SKAP1: variants seen among roughly 807,000 people sequenced by gnomAD.
SKAP1 encodes src kinase associated phosphoprotein 1, also known as src kinase-associated phosphoprotein 1.
In SKAP1, 44 loss-of-function variants were observed where a neutral mutation model predicts 58.5. The observed-to-expected ratio is 0.75, with a 90% confidence interval of 0.59 to 0.97. SKAP1 has a LOEUF of 0.97. SKAP1 is among the 50% of genes least tolerant of loss of function. The pLI is 0.00. For synonymous variants in SKAP1, 127 were observed against 149.7 expected (o/e 0.85, Z 1.11); for missense variants, 390 against 435.2 (o/e 0.90, Z 0.92).
chr17:48,333,701 T>C (rs2066533081), intron 4 of SKAP1, among the ~76,000 whole-genome samples: 1 of 152,086 alleles, frequency 6.6e-6, no homozygotes, highest in Admixed American at 6.5e-5. Context: ...TTTAAAATTT[T>C]ATCCATGGAA....
At chr17:48,380,368 C>T (rs1348048792) in intron 2 of SKAP1, 1 of 152,154 alleles carries the variant, frequency 6.6e-6, no homozygotes, top group Non-Finnish European at 1.5e-5. Flanking sequence ...GTTCTTAAGC[C>T]CTGCTGGAAA....
intron 1 of SKAP1, among the ~76,000 whole-genome samples, chr17:48,424,939 A>AG (rs1172005393): frequency 6.7e-6 from 1 of 150,330 alleles, no homozygotes; most frequent in African/African-American, 2.5e-5. Context: ...TCAAAAAAAA[A>AG]AAAAAGAAAA....
intron 3 of SKAP1, 140 bp downstream of exon 3, chr17:48,363,649 G>A: frequency 1.5e-6 from 1 of 656,582 alleles, no homozygotes; most frequent in East Asian, 2.7e-5. Flanking sequence ...GCAGGGTGAA[G>A]GTTAATTAAA....
intron 2 of SKAP1, among the ~76,000 whole-genome samples, chr17:48,384,529 C>T (rs2067253331): frequency 6.6e-6 from 1 of 152,142 alleles, no homozygotes; most frequent in Non-Finnish European, 1.5e-5. Flanking sequence ...AGGCTCTTCC[C>T]ATATTTCTGC....
intron 11 of SKAP1, among the ~76,000 whole-genome samples, chr17:48,154,347 TTGTC>T (rs1328983842): frequency 2.0e-5 from 3 of 152,186 alleles, no homozygotes; most frequent in East Asian, 1.9e-4. Context: ...AAACTTGACT[TTGTC>T]TGTATGGCTC....
intron 1 of SKAP1, among the ~76,000 whole-genome samples, chr17:48,404,907 T>C (rs1321048152): frequency 6.6e-6 from 1 of 152,102 alleles, no homozygotes; most frequent in African/African-American, 2.4e-5. Context: ...GGCAAAATGA[T>C]TTTTTAAAAG....
chr17:48,342,933 C>T (rs935213597), intron 4 of SKAP1, among the ~76,000 whole-genome samples: 5 of 151,788 alleles, frequency 3.3e-5, no homozygotes, highest in East Asian at 3.9e-4. Flanking sequence ...TGCAGTGAGC[C>T]GAGATCCCAC....
chr17:48,383,197 A>G (rs1378391149), intron 2 of SKAP1, among the ~76,000 whole-genome samples: 2 of 152,236 alleles, frequency 1.3e-5, no homozygotes, highest in Admixed American at 6.5e-5. Flanking sequence ...AAAATCAATC[A>G]TGGTGACTGA....
rs59376097 is a variant in SKAP1, at chr17:48,369,146, A to AAAATAAATAAATAAATAAATAAAT, written c.153-5356_153-5333dup. On this transcript the variant is annotated intron_variant, in intron 2 of 12. Transcript: ENST00000336915. ...TGGCAACAGAGACAGACTCCATCTC[A>AAAATAAATAAATAAATAAATAAAT]AAATAAATAAATAAATAAATAAATA... 4.8e-4 allele frequency among the ~76,000 whole-genome samples: 71 copies of AAAATAAATAAATAAATAAATAAAT among 146,750 alleles called. 1 individual carries two copies. In the East Asian group the frequency reaches 5.6e-3, roughly 12 times the overall value.
chr17:48,242,631 A>G (rs2065254458), intron 4 of SKAP1, among the ~76,000 whole-genome samples: 1 of 152,240 alleles, frequency 6.6e-6, no homozygotes, highest in Admixed American at 6.5e-5. Context: ...AAAGCTCCTC[A>G]GTGGAGTTAA....
rs1415142094 is a variant in SKAP1, at chr17:48,415,363, T to G, written c.46+14712A>C. On this transcript the variant is annotated intron_variant, in intron 1 of 12. Coordinates refer to ENST00000336915, the MANE Select transcript of SKAP1 (RefSeq NM_003726.4). ...AAAAAAATTAAAAAATAAAAAAAAG[T>G]CTCAAGTACTGGCAAATACTCTTCA... Among the ~76,000 whole-genome samples, 6 of 152,132 alleles carry G rather than the reference T, an allele frequency of 3.9e-5. No individual in the cohort carries two copies. The East Asian group carries it at 1.2e-3, about 29-fold the overall frequency.
chr17:48,433,485 C>T (rs1398179454), upstream of SKAP1, among the ~76,000 whole-genome samples: 1 of 152,172 alleles, frequency 6.6e-6, no homozygotes, highest in Admixed American at 6.5e-5. Flanking sequence ...TCAGGTCTGT[C>T]TGCCTCCCTT....
chr17:48,199,074 ATC>A (rs1441884791), intron 4 of SKAP1, among the ~76,000 whole-genome samples: 1 of 152,180 alleles, frequency 6.6e-6, no homozygotes, highest in Non-Finnish European at 1.5e-5. Context: ...TCATTTTCAG[ATC>A]TGTTTATTTA....
chr17:48,226,994 G>C (rs2065076325), intron 4 of SKAP1, among the ~76,000 whole-genome samples: 1 of 152,068 alleles, frequency 6.6e-6, no homozygotes, highest in Non-Finnish European at 1.5e-5. Context: ...ACCCTTTAGT[G>C]TATCTTCCTC....
At chr17:48,435,924 T>A in the SKAP1 span, among the ~76,000 whole-genome samples, 1 of 152,248 alleles carries the variant, frequency 6.6e-6, no homozygotes, top group South Asian at 2.1e-4. Context: ...GAGTCAGAGA[T>A]AAAAACAGCA....
chr17:48,316,494 T>C (rs1422683691), intron 4 of SKAP1, among the ~76,000 whole-genome samples: 1 of 152,212 alleles, frequency 6.6e-6, no homozygotes, highest in East Asian at 1.9e-4. Flanking sequence ...TCACCCTTTT[T>C]AGTCATTCTC....
At chr17:48,407,666 G>A (rs567789827) in intron 1 of SKAP1, among the ~76,000 whole-genome samples, 1 of 152,074 alleles carries the variant, frequency 6.6e-6, no homozygotes, top group Non-Finnish European at 1.5e-5. Flanking sequence ...CGAGACCAGC[G>A]TGGGCAACAT....
intron 3 of SKAP1, among the ~76,000 whole-genome samples, chr17:48,350,621 G>A (rs912308257): frequency 3.3e-5 from 5 of 152,062 alleles, no homozygotes; most frequent in East Asian, 1.9e-4. Flanking sequence ...GCTTGAACCC[G>A]GGAGGCAGAG....
intron 4 of SKAP1, among the ~76,000 whole-genome samples, chr17:48,233,683 T>C (rs1334493131): frequency 1.3e-5 from 2 of 152,036 alleles, no homozygotes; most frequent in Non-Finnish European, 2.9e-5. Flanking sequence ...TGAAACCCCA[T>C]CTGTACTAAA....
Sources: gnomAD v4.1 joint callset for allele counts (sites outside exome capture counted in the v4.1 genomes callset) on GRCh38, gnomAD v4.1.1 for gene constraint, MANE v1.5 for transcripts, NCBI Gene and HGNC (gene_info 2026-07-23, HGNC 2026-07-21) for gene names.